The following ATP10B variants were observed in gnomAD, a reference collection of about 807,000 sequenced individuals.
ATP10B encodes ATPase phospholipid transporting 10B (putative), also known as phospholipid-transporting ATPase VB.
ATP10B carries 122 observed loss-of-function variants against 141.2 expected under a neutral mutation model. The observed-to-expected ratio is 0.86, with a 90% CI of 0.75 to 1.00. ATP10B has a LOEUF of 1.00. Ranked by LOEUF, ATP10B falls within the 50% of genes least tolerant of loss-of-function variation. The pLI, the probability that ATP10B is intolerant of heterozygous loss-of-function variation, is 0.00. For missense variants in ATP10B, 1,876 were observed against 1,825.3 expected, an observed-to-expected ratio of 1.03 and a Z score of -0.51; for synonymous variants, 685 against 692.0, an observed-to-expected ratio of 0.99 and a Z score of 0.16.
At chr5:160,800,638 G>T (rs1772313839) in intron 1 of ATP10B, among the ~76,000 whole-genome samples, 1 of 152,164 alleles carries the variant, frequency 6.6e-6, no homozygotes. Context: ...TCTTGCCAGG[G>T]GAGAATCTTG....
intron 7 of ATP10B, among the ~76,000 whole-genome samples, chr5:160,662,695 A>G (rs1762023760): frequency 6.6e-6 from 1 of 152,238 alleles, no homozygotes; most frequent in Admixed American, 6.5e-5. Flanking sequence ...TAAAAACCCT[A>G]GAAGAAAACC....
chr5:160,620,382 G>A lies in ATP10B; in HGVS notation c.2381C>T (p.Ser794Leu), dbSNP rs375049408. The A allele has an allele frequency of 1.2e-5, 19 of 1,613,508 alleles. No individual in the cohort carries two copies. The highest frequency in any genetic ancestry group is 1.5e-5 in the Non-Finnish European group (18 of 1,179,602). ...EIVVYTKGAD[S>L]VIMDLLEDPA... Reference sequence around the variant, plus strand: ...GTCTTCCAGCAGGTCCATGATGACCGAGTCAGCACCCTTGGTGTAGACAAC... The same window carrying A: ...GTCTTCCAGCAGGTCCATGATGACCAAGTCAGCACCCTTGGTGTAGACAAC... The change falls in exon 15 of 26, where the codon TCG (serine) becomes TTG (leucine). Residue 794 changes from serine (S) to leucine (L), a missense_variant. By Grantham distance (145) the Ser-to-Leu change is moderately radical. Coordinates refer to ENST00000327245, the MANE Select transcript of ATP10B (RefSeq NM_025153.3).
chr5:160,610,383 C>T (rs1757654265), intron 18 of ATP10B, among the ~76,000 whole-genome samples: 1 of 152,142 alleles, frequency 6.6e-6, no homozygotes, highest in African/African-American at 2.4e-5. Flanking sequence ...GCCAAAACCA[C>T]CCACCTGTTG....
chr5:160,659,919 A>G (rs542106603), intron 7 of ATP10B, among the ~76,000 whole-genome samples: 53 of 152,342 alleles, frequency 3.5e-4, no homozygotes, highest in Non-Finnish European at 5.9e-4. Flanking sequence ...TTTGGTCTCA[A>G]CACTATATTA....
At chr5:160,583,467 C>A (rs1239760325) in intron 24 of ATP10B, among the ~76,000 whole-genome samples, 2 of 152,216 alleles carry the variant, frequency 1.3e-5, no homozygotes, top group African/African-American at 4.8e-5. Context: ...GGGCACCCAC[C>A]AGATGCCAGC....
At chr5:160,605,193 G>A (rs1757313607) in intron 19 of ATP10B, among the ~76,000 whole-genome samples, 3 of 152,032 alleles carry the variant, frequency 2.0e-5, no homozygotes. Context: ...CAGTTTCTCA[G>A]AATAAGCCAC....
At chr5:160,574,743 A>G (rs981108251) in intron 24 of ATP10B, among the ~76,000 whole-genome samples, 1 of 151,290 alleles carries the variant, frequency 6.6e-6, no homozygotes, top group Non-Finnish European at 1.5e-5. Context: ...CCCTTTCACC[A>G]TGTGAGGACA....
intron 1 of ATP10B, among the ~76,000 whole-genome samples, chr5:160,835,845 C>A (rs78956253): frequency 1.3e-5 from 2 of 152,182 alleles, no homozygotes; most frequent in Non-Finnish European, 2.9e-5. Context: ...TAGTCACATC[C>A]AATTTGATTA....
chr5:160,880,904 A>G, the ATP10B span, among the ~76,000 whole-genome samples: 1 of 152,216 alleles, frequency 6.6e-6, no homozygotes, highest in South Asian at 2.1e-4. Flanking sequence ...ATGAAACACT[A>G]AAGGCACACT....
At chr5:160,766,560 A>T (rs1769447359) in intron 2 of ATP10B, among the ~76,000 whole-genome samples, 1 of 152,190 alleles carries the variant, frequency 6.6e-6, no homozygotes, top group Non-Finnish European at 1.5e-5. Flanking sequence ...CAAAGGCATA[A>T]GAATGATACA....
the ATP10B span, among the ~76,000 whole-genome samples, chr5:160,876,374 A>G: frequency 1.3e-5 from 2 of 149,752 alleles, no homozygotes; most frequent in Non-Finnish European, 3.0e-5. Flanking sequence ...TCTCTGGGAC[A>G]CATTCAAAGC....
intron 2 of ATP10B, among the ~76,000 whole-genome samples, chr5:160,754,089 T>C (rs895418730): frequency 1.3e-5 from 2 of 152,224 alleles, no homozygotes; most frequent in African/African-American, 4.8e-5. Context: ...GAGTCCAGAT[T>C]TGAGTATAAA....
chr5:160,751,431 A>T (rs1044383435), intron 2 of ATP10B, among the ~76,000 whole-genome samples: 1 of 152,226 alleles, frequency 6.6e-6, no homozygotes, highest in Non-Finnish European at 1.5e-5. Context: ...CAGTGACAGG[A>T]TGAAGTAAGC....
intron 24 of ATP10B, among the ~76,000 whole-genome samples, chr5:160,583,306 T>C (rs1188183577): frequency 1.3e-5 from 2 of 152,224 alleles, no homozygotes; most frequent in Non-Finnish European, 2.9e-5. Context: ...TATTCCTTTC[T>C]GTTTGTTAGT....
the ATP10B span, among the ~76,000 whole-genome samples, chr5:160,867,247 G>C: frequency 2.0e-5 from 3 of 151,710 alleles, no homozygotes; most frequent in South Asian, 2.1e-4. Context: ...GCTTAAAAAT[G>C]GTGGCTATTA....
At chr5:160,640,351 C>G in intron 10 of ATP10B, 110 bp downstream of exon 10, 1 of 1,238,270 alleles carries the variant, frequency 8.1e-7, no homozygotes, top group South Asian at 1.6e-5. Context: ...TTAAAGTGGG[C>G]AGGGTAGGCT....
intron 1 of ATP10B, among the ~76,000 whole-genome samples, chr5:160,826,312 G>A (rs1774597343): frequency 6.6e-6 from 1 of 152,100 alleles, no homozygotes; most frequent in African/African-American, 2.4e-5. Flanking sequence ...CGGGAAGTCA[G>A]GGACCCCGAA....
chr5:160,564,641 T>G lies in ATP10B; in HGVS notation c.*812A>C, dbSNP rs1353656213. 2 of 152,208 alleles carry G rather than the reference T, an allele frequency of 1.3e-5. No individual in the cohort carries two copies. The highest frequency in any genetic ancestry group is 2.9e-5 in the Non-Finnish European group (2 of 68,036). The allele number at this position is 152,208 out of a possible 1,614,324, so 9.4% of individuals were successfully genotyped here. A position where few individuals can be genotyped will look rare whatever the true frequency, so the allele number is the denominator to read the frequency against. On this transcript the variant is annotated 3_prime_UTR_variant, in exon 26 of 26. Transcript: ENST00000327245. Reference sequence around the variant, plus strand: ...AAGAGCTGAATGAGGATGGGCAATTTTATTTAAAAATAGATACAATAAATA... The same window carrying G: ...AAGAGCTGAATGAGGATGGGCAATTGTATTTAAAAATAGATACAATAAATA...
rs374826297 is a variant in ATP10B at position 160,654,097 on chromosome 5, T to G, written c.676-4841A>C. Among the ~76,000 whole-genome samples the G allele has an allele frequency of 9.4e-5, 14 of 148,592 alleles. 1 individual carries two copies. The highest frequency in any genetic ancestry group is 5.9e-4 in the East Asian group (3 of 5,074). On this transcript the variant is annotated intron_variant, in intron 7 of 25. Transcript: ENST00000327245. ...TATACATATAAATATATGTTGTATA[T>G]ACGTATATACATATATAAATACGTG...
Sources: gnomAD v4.1 joint callset for allele counts (sites outside exome capture counted in the v4.1 genomes callset) on GRCh38, gnomAD v4.1.1 for gene constraint, MANE v1.5 for transcripts, NCBI Gene and HGNC (gene_info 2026-07-23, HGNC 2026-07-21) for gene names.